Variants in FHIT observed in about 807,000 individuals in gnomAD.
FHIT encodes fragile histidine triad diadenosine triphosphatase, also known as bis(5'-adenosyl)-triphosphatase.
FHIT carries 19 observed loss-of-function variants against 17.9 expected under a neutral mutation model. The observed-to-expected ratio is 1.06, with a 90% CI of 0.74 to 1.56. The LOEUF is 1.56. Among genes scored for constraint, FHIT ranks in the 40% most tolerant of loss-of-function variants. The probability of loss-of-function intolerance (pLI) is 0.00; values close to 1 mark genes in which losing one functional copy is unlikely to be tolerated. For synonymous variants in FHIT, 81 were observed against 69.7 expected, an observed-to-expected ratio of 1.16 and a Z score of -0.81; for missense variants, 248 against 189.2, an observed-to-expected ratio of 1.31 and a Z score of -1.82.
intron 5 of FHIT, among the ~76,000 whole-genome samples, chr3:60,491,499 G>T (rs1421509059): frequency 6.6e-6 from 1 of 151,832 alleles, no homozygotes; most frequent in Non-Finnish European, 1.5e-5. Context: ...TATGAAAAAT[G>T]CATATAAAAC....
At chr3:60,726,532 G>C (rs1420978497) in intron 4 of FHIT, among the ~76,000 whole-genome samples, 1 of 152,108 alleles carries the variant, frequency 6.6e-6, no homozygotes, top group African/African-American at 2.4e-5. Context: ...GTTTTCAGTG[G>C]AGAAAATGTA....
At chr3:60,828,793 A>T (rs1702214841) in intron 3 of FHIT, among the ~76,000 whole-genome samples, 1 of 152,156 alleles carries the variant, frequency 6.6e-6, no homozygotes, top group African/African-American at 2.4e-5. Flanking sequence ...CAGGAGATTC[A>T]GTTCAACCCG....
intron 5 of FHIT, among the ~76,000 whole-genome samples, chr3:60,274,333 C>T (rs555317310): frequency 6.6e-6 from 1 of 152,282 alleles, no homozygotes; most frequent in South Asian, 2.1e-4. Flanking sequence ...CTCCAAAACC[C>T]TAACACCTTA....
chr3:60,592,181 ATT>A (rs2038107171), intron 4 of FHIT, among the ~76,000 whole-genome samples: 1 of 147,620 alleles, frequency 6.8e-6, no homozygotes, highest in South Asian at 2.1e-4. Flanking sequence ...TTATATATAT[ATT>A]ATCTCTCTAT....
chr3:59,984,774 G>A (rs371446079), intron 7 of FHIT, among the ~76,000 whole-genome samples: 19 of 152,168 alleles, frequency 1.2e-4, no homozygotes, highest in African/African-American at 4.6e-4. Context: ...TACACTGAGG[G>A]ACAAAACAAA....
At chr3:60,759,950 C>T (rs1699581298) in intron 4 of FHIT, among the ~76,000 whole-genome samples, 1 of 151,508 alleles carries the variant, frequency 6.6e-6, no homozygotes, top group African/African-American at 2.4e-5. Flanking sequence ...TTCCTTTTTT[C>T]CTTCCTTCCT....
intron 5 of FHIT, among the ~76,000 whole-genome samples, chr3:60,129,262 G>A (rs1403990514): frequency 2.0e-5 from 3 of 151,814 alleles, no homozygotes; most frequent in African/African-American, 7.3e-5. Context: ...CATGTTGGCA[G>A]GGATGGTCTT....
chr3:59,964,849 T>G (rs1303450338), intron 7 of FHIT, among the ~76,000 whole-genome samples: 4 of 152,150 alleles, frequency 2.6e-5, no homozygotes, highest in Non-Finnish European at 5.9e-5. Context: ...CAAATCAATA[T>G]AATGCCACCA....
chr3:60,980,832 C>T (rs1710462247), intron 3 of FHIT, among the ~76,000 whole-genome samples: 2 of 152,032 alleles, frequency 1.3e-5, no homozygotes, highest in South Asian at 4.1e-4. Context: ...GAGCAGTTGC[C>T]AATAGTAAAA....
chr3:60,475,064 C>T (rs4468936), intron 5 of FHIT, among the ~76,000 whole-genome samples: 47,348 of 145,680 alleles, frequency 0.33, 8,108 homozygotes, highest in East Asian at 0.54. Flanking sequence ...ACAAAATACT[C>T]CTTTGATATA....
At chr3:61,047,182 A>T (rs185496853) in intron 2 of FHIT, among the ~76,000 whole-genome samples, 6 of 152,340 alleles carry the variant, frequency 3.9e-5, no homozygotes, top group Non-Finnish European at 8.8e-5. Context: ...GAAAAGAGTA[A>T]GTCCAATTGT....
chr3:59,944,954 C>T (rs938420521), intron 7 of FHIT, among the ~76,000 whole-genome samples: 3 of 152,026 alleles, frequency 2.0e-5, no homozygotes, highest in Admixed American at 6.6e-5. Flanking sequence ...TGATTATATG[C>T]CTTTGCTATT....
chr3:60,406,355 C>T lies in FHIT; in HGVS notation c.103+130505G>A, dbSNP rs375522625. Among the ~76,000 whole-genome samples, 199 of 152,260 alleles carry T rather than the reference C, an allele frequency of 1.3e-3. No homozygotes were observed. The South Asian group carries it at 0.019, about 15-fold the overall frequency. On this transcript the variant is annotated intron_variant, in intron 5 of 9. Transcript: ENST00000492590. Reference sequence around the variant, plus strand: ...AACCAGGCAATCTTACATGCAAACTCAAAGCTGTTTTATCCCTCTCTTCAG... The same window carrying T: ...AACCAGGCAATCTTACATGCAAACTTAAAGCTGTTTTATCCCTCTCTTCAG...
intron 4 of FHIT, among the ~76,000 whole-genome samples, chr3:60,665,796 C>T (rs1255452678): frequency 6.6e-6 from 1 of 152,018 alleles, no homozygotes; most frequent in African/African-American, 2.4e-5. Flanking sequence ...GTTAGCATTT[C>T]ACTATACCAT....
At chr3:60,566,317 T>A (rs1346782991) in intron 4 of FHIT, among the ~76,000 whole-genome samples, 5 of 152,072 alleles carry the variant, frequency 3.3e-5, no homozygotes, top group Non-Finnish European at 5.9e-5. Flanking sequence ...CGCAAATCAA[T>A]AAACGTAATC....
chr3:60,068,755 C>T (rs1314318403), intron 5 of FHIT, among the ~76,000 whole-genome samples: 2 of 152,076 alleles, frequency 1.3e-5, no homozygotes, highest in South Asian at 2.1e-4. Context: ...TAATTTTTTC[C>T]TCTACCTGAT....
At chr3:61,109,411 C>T (rs745927529) in intron 2 of FHIT, among the ~76,000 whole-genome samples, 2 of 152,194 alleles carry the variant, frequency 1.3e-5, no homozygotes, top group Non-Finnish European at 2.9e-5. Flanking sequence ...AATCAAGGCC[C>T]TTTGTTTGGG....
At chr3:60,991,050 T>C (rs967442486) in intron 3 of FHIT, among the ~76,000 whole-genome samples, 2 of 151,922 alleles carry the variant, frequency 1.3e-5, no homozygotes, top group Admixed American at 1.3e-4. Context: ...GGGAAAAAAA[T>C]AAAGTAAGTC....
At chr3:61,005,359 TAGTC>T (rs1157423530) in intron 3 of FHIT, among the ~76,000 whole-genome samples, 1 of 151,992 alleles carries the variant, frequency 6.6e-6, no homozygotes, top group Non-Finnish European at 1.5e-5. Context: ...ACAGAAGAGA[TAGTC>T]AGTAACTGCT....
Sources: gnomAD v4.1 joint callset for allele counts (sites outside exome capture counted in the v4.1 genomes callset) on GRCh38, gnomAD v4.1.1 for gene constraint, MANE v1.5 for transcripts, NCBI Gene and HGNC (gene_info 2026-07-23, HGNC 2026-07-21) for gene names.